Variants in CTNNA2 observed in about 807,000 individuals in gnomAD.
The protein encoded by CTNNA2 is catenin alpha 2.
Under a neutral mutation model 101.0 loss-of-function variants are expected in CTNNA2, and 42 were observed. That is an observed-to-expected ratio of 0.42 (90% CI 0.32 to 0.54). The LOEUF (loss-of-function observed/expected upper bound fraction) is 0.54. Among genes scored for constraint, CTNNA2 ranks in the 20% least tolerant of loss-of-function variants. CTNNA2 has a pLI of 0.14. For missense variants in CTNNA2, 871 were observed against 1,223.1 expected, an observed-to-expected ratio of 0.71 and a Z score of 4.29; for synonymous variants, 450 against 456.4, an observed-to-expected ratio of 0.99 and a Z score of 0.18.
At chr2:80,468,488 G>A (rs1685038840) in intron 9 of CTNNA2, among the ~76,000 whole-genome samples, 1 of 152,082 alleles carries the variant, frequency 6.6e-6, no homozygotes, top group East Asian at 1.9e-4. Flanking sequence ...GTGCAATCTC[G>A]GCTCACTGCA....
intron 1 of CTNNA2, among the ~76,000 whole-genome samples, chr2:79,552,270 A>G (rs1046762461): frequency 1.3e-5 from 2 of 152,026 alleles, no homozygotes; most frequent in Non-Finnish European, 2.9e-5. Flanking sequence ...CAATCATTAA[A>G]CCTAAAAGCT....
chr2:80,319,622 G>T (rs573229489), intron 7 of CTNNA2, among the ~76,000 whole-genome samples: 1 of 152,214 alleles, frequency 6.6e-6, no homozygotes, highest in African/African-American at 2.4e-5. Context: ...TTGTGACTTT[G>T]GTGATGTGGA....
At chr2:79,486,828 A>T (rs755641726) in intron 4 of CTNNA2, among the ~76,000 whole-genome samples, 8 of 152,244 alleles carry the variant, frequency 5.3e-5, no homozygotes, top group Non-Finnish European at 1.2e-4. Flanking sequence ...AAATGATTAT[A>T]CCGACAAGCT....
intron 7 of CTNNA2, among the ~76,000 whole-genome samples, chr2:80,089,306 C>T (rs540941831): frequency 1.9e-4 from 29 of 151,988 alleles, no homozygotes; most frequent in Non-Finnish European, 3.7e-4. Flanking sequence ...TCTATATTCT[C>T]ACTTTCATTG....
At chr2:79,501,334 T>A (rs1430193269) in intron 4 of CTNNA2, among the ~76,000 whole-genome samples, 2 of 152,212 alleles carry the variant, frequency 1.3e-5, no homozygotes, top group Non-Finnish European at 2.9e-5. Flanking sequence ...GTCTAGCTGG[T>A]CTTAAATTCC....
intron 2 of CTNNA2, among the ~76,000 whole-genome samples, chr2:79,204,953 C>T (rs1417721770): frequency 6.6e-6 from 1 of 152,220 alleles, no homozygotes; most frequent in Non-Finnish European, 1.5e-5. Context: ...ATTAGGTGTC[C>T]AACACATCAA....
chr2:80,296,142 A>T (rs1675720725), intron 7 of CTNNA2, among the ~76,000 whole-genome samples: 1 of 152,190 alleles, frequency 6.6e-6, no homozygotes, highest in South Asian at 2.1e-4. Context: ...GCAATGTGTA[A>T]CAATTGCATC....
At chr2:80,358,191 T>G (rs544107658) in intron 7 of CTNNA2, among the ~76,000 whole-genome samples, 1 of 152,260 alleles carries the variant, frequency 6.6e-6, no homozygotes, top group South Asian at 2.1e-4. Context: ...TACAAAGTCC[T>G]TAGGACAGTG....
chr2:80,542,450 T>C lies in CTNNA2; in HGVS notation c.1291-2532T>C, dbSNP rs556999081. Among the ~76,000 whole-genome samples the C allele has an allele frequency of 7.2e-5, 11 of 152,224 alleles. No individual in the cohort carries two copies. The South Asian group carries it at 2.3e-3, about 32-fold the overall frequency. On this transcript the variant is annotated intron_variant, in intron 9 of 18. Transcript: ENST00000402739. ...TGACCTTTTCTTTTTTTGGCAAGAA[T>C]ATTTCATGGACAGTGGTATGTCACT... is the stretch of plus-strand genomic sequence containing the variant.
intron 4 of CTNNA2, among the ~76,000 whole-genome samples, chr2:79,475,673 T>G (rs1671042842): frequency 2.2e-5 from 2 of 90,176 alleles, no homozygotes; most frequent in African/African-American, 9.5e-5. Flanking sequence ...TTTTCATCTT[T>G]GAATACTTTT....
chr2:79,991,910 G>A (rs942679788), intron 7 of CTNNA2, among the ~76,000 whole-genome samples: 5 of 152,074 alleles, frequency 3.3e-5, no homozygotes, highest in Admixed American at 6.6e-5. Flanking sequence ...AAGGCCTCAG[G>A]TATGTTCTTA....
intron 4 of CTNNA2, among the ~76,000 whole-genome samples, chr2:79,453,619 A>G (rs1258513397): frequency 1.3e-5 from 2 of 152,194 alleles, no homozygotes; most frequent in Non-Finnish European, 2.9e-5. Flanking sequence ...ATTTCCTTCC[A>G]TAGATGTGGC....
chr2:80,380,633 T>C (rs542046966), intron 7 of CTNNA2, among the ~76,000 whole-genome samples: 50 of 152,188 alleles, frequency 3.3e-4, no homozygotes, highest in Non-Finnish European at 6.3e-4. Flanking sequence ...TCTTATTGTG[T>C]GTATTTTTTG....
chr2:79,477,155 T>G lies in CTNNA2; in HGVS notation c.-134-27899T>G, dbSNP rs1426836625. ...ATTTCTTTTTCTTTTTATTTCTTTT[T>G]TTTCTTTTTTTTCTTTTTTTTTTTT... On this transcript the variant is annotated intron_variant, in intron 4 of 21. Coordinates refer to the CTNNA2 transcript ENST00000466387. 6.2e-5 allele frequency among the ~76,000 whole-genome samples: 7 copies of G among 112,378 alleles called. No homozygotes were observed. In the East Asian group the frequency reaches 1.5e-3, roughly 25 times the overall value. The allele number at this position is 112,378 out of a possible 152,430, so 73.7% of individuals were successfully genotyped here. A position where few individuals can be genotyped will look rare whatever the true frequency, so the allele number is the denominator to read the frequency against.
chr2:79,825,787 T>C (rs1002521769), intron 3 of CTNNA2, among the ~76,000 whole-genome samples: 2 of 152,072 alleles, frequency 1.3e-5, no homozygotes, highest in African/African-American at 2.4e-5. Context: ...GAGAAAAAAG[T>C]GAAGAAGCTT....
chr2:79,302,572 T>C (rs1676138029), intron 2 of CTNNA2, among the ~76,000 whole-genome samples: 3 of 152,194 alleles, frequency 2.0e-5, no homozygotes, highest in South Asian at 4.1e-4. Context: ...GATTGAGGTA[T>C]CTTGAGAGGG....
In CTNNA2 at chr2:79,991,359, CT is replaced by C. The variant is rs373541478; in HGVS notation, c.1056+81570del. Among the ~76,000 whole-genome samples the C allele has an allele frequency of 7.1e-3, 1,081 of 152,012 alleles. 9 individuals carry two copies. Among genetic ancestry groups the C allele is most frequent in the African/African-American group, 0.024 (1,015 of 41,462 alleles). ...CTGTAGATTTCAATACCACCTCCCC[CT>C]TTTTTTTCCATGAGCTTTTCATTTA... is the stretch of plus-strand genomic sequence containing the variant. On this transcript the variant is annotated intron_variant, in intron 7 of 18. Coordinates refer to ENST00000402739, the MANE Select transcript of CTNNA2 (RefSeq NM_001282597.3).
intron 8 of CTNNA2, among the ~76,000 whole-genome samples, chr2:80,401,939 C>G (rs1678587352): frequency 6.6e-6 from 1 of 152,322 alleles, no homozygotes; most frequent in African/African-American, 2.4e-5. Context: ...CTAACACTAT[C>G]TACCTGGAGA....
At chr2:79,691,471 T>A (rs1281842354) in intron 2 of CTNNA2, among the ~76,000 whole-genome samples, 1 of 151,610 alleles carries the variant, frequency 6.6e-6, no homozygotes, top group Non-Finnish European at 1.5e-5. Flanking sequence ...AATACTCCAA[T>A]TAAAAGACAG....
Sources: allele counts gnomAD v4.1 joint callset (sites outside exome capture counted in the v4.1 genomes callset), GRCh38; gene constraint gnomAD v4.1.1; transcripts MANE v1.5; gene names NCBI Gene and HGNC (gene_info 2026-07-23, HGNC 2026-07-21).